Variants in SAFB2 observed in about 807,000 individuals in gnomAD.
The protein encoded by SAFB2 is scaffold attachment factor B2.
SAFB2 carries 32 observed loss-of-function variants against 100.6 expected under a neutral mutation model. That is an observed-to-expected ratio of 0.32 (90% CI 0.24 to 0.43). The LOEUF (loss-of-function observed/expected upper bound fraction) is 0.43. Among genes scored for constraint, SAFB2 ranks in the 20% least tolerant of loss-of-function variants. SAFB2 has a pLI of 1.00. For missense variants in SAFB2, 1,185 were observed against 1,163.4 expected, an observed-to-expected ratio of 1.02 and a Z score of -0.27; for synonymous variants, 500 against 439.4, an observed-to-expected ratio of 1.14 and a Z score of -1.72.
At chr19:5,595,939 G>T (rs555215132) in intron 13 of SAFB2, among the ~76,000 whole-genome samples, 25 of 152,320 alleles carry the variant, frequency 1.6e-4, no homozygotes, top group Non-Finnish European at 3.4e-4. Flanking sequence ...CATCTCAACT[G>T]CTGGCTCAGG....
Position 5,616,300 on chromosome 19 carries a change from A to G in SAFB2, c.375T>C (p.Asn125=), listed in dbSNP as rs1347555587. 1 of 1,614,190 alleles carries G rather than the reference A, an allele frequency of 6.2e-7. No homozygotes were observed. Among genetic ancestry groups the G allele is most frequent in the Non-Finnish European group, 8.5e-7 (1 of 1,180,036 alleles). ...GCACACTCATGTCCATCATGCCCAT[A>G]TTCTGCAGGTTCTCCAGACTTGCTT... The part of the protein sequence containing the change: ...DMEASLENLQ[N]MGMMDMSVLD... The change falls in exon 4 of 21, where the codon AAT becomes AAC. Residue 125 remains asparagine, a synonymous_variant. Coordinates refer to ENST00000252542, the MANE Select transcript of SAFB2 (RefSeq NM_014649.3).
chr19:5,598,918 T>G, intron 12 of SAFB2, 34 bp from the exon 13 acceptor site: 1 of 1,603,036 alleles, frequency 6.2e-7, no homozygotes. Flanking sequence ...TATCAAAACC[T>G]GTGGACGCCC....
intron 4 of SAFB2, chr19:5,613,825 C>A: frequency 1.3e-6 from 1 of 750,692 alleles, no homozygotes; most frequent in Non-Finnish European, 1.6e-6. Context: ...CCACATACCC[C>A]TCCAATCACA....
chr19:5,599,381 C>T (rs1244213225), intron 12 of SAFB2, among the ~76,000 whole-genome samples: 3 of 152,210 alleles, frequency 2.0e-5, no homozygotes, highest in Admixed American at 6.5e-5. Flanking sequence ...GACGACAGAA[C>T]CACCAGGCAT....
chr19:5,591,613 C>A, intron 17 of SAFB2, 135 bp downstream of exon 17: 2 of 751,538 alleles, frequency 2.7e-6, no homozygotes, highest in Non-Finnish European at 2.2e-6. Flanking sequence ...CCAGAACCCA[C>A]ACTTGCATAC....
chr19:5,601,741 A>AATAAATAC (rs1445881975), intron 11 of SAFB2, among the ~76,000 whole-genome samples: 3 of 151,696 alleles, frequency 2.0e-5, no homozygotes, highest in African/African-American at 7.3e-5. Context: ...TAAATAAATA[A>AATAAATAC]ATAAGAAGGA....
At chr19:5,607,037 G>A (rs977055363) in intron 9 of SAFB2, among the ~76,000 whole-genome samples, 22 of 152,270 alleles carry the variant, frequency 1.4e-4, no homozygotes, top group African/African-American at 5.1e-4. Flanking sequence ...CGAGGTGGGA[G>A]GATCACGAGG....
At chr19:5,611,878 G>A (rs2052915051) in intron 6 of SAFB2, 2 of 648,734 alleles carry the variant, frequency 3.1e-6, no homozygotes, top group East Asian at 3.0e-5. Flanking sequence ...CTACAACCAC[G>A]CGGCTGGTTC....
At chr19:5,606,530 G>C (rs892321790) in intron 9 of SAFB2, among the ~76,000 whole-genome samples, 5 of 152,178 alleles carry the variant, frequency 3.3e-5, no homozygotes, top group Non-Finnish European at 7.3e-5. Context: ...AGGAGGCTGA[G>C]GTGAGAGGAT....
Position 5,600,137 on chromosome 19 carries a change from G to A in SAFB2, c.1683C>T (p.Thr561=). 6.2e-7 allele frequency: 1 copy of A among 1,611,954 alleles called. No homozygotes were observed. Among genetic ancestry groups the A allele is most frequent in the Non-Finnish European group, 8.5e-7 (1 of 1,179,436 alleles). The part of the protein sequence containing the change: ...KPGPTNRSRV[T]KSGSRGMERT... ...TTAAAAGGCTCTCCTCACCTGATTTGGTGACTCTAGACCGATTTGTAGGTC... is the reference window on the plus strand; with the variant it reads ...TTAAAAGGCTCTCCTCACCTGATTTAGTGACTCTAGACCGATTTGTAGGTC... The change falls in exon 12 of 21, where the codon ACC becomes ACT. Residue 561 remains threonine, a synonymous_variant. Coordinates refer to ENST00000252542, the MANE Select transcript of SAFB2 (RefSeq NM_014649.3).
At chr19:5,604,191 A>C (rs2052723363) in intron 11 of SAFB2, among the ~76,000 whole-genome samples, 1 of 152,330 alleles carries the variant, frequency 6.6e-6, no homozygotes, top group African/African-American at 2.4e-5. Context: ...CGGGCAAATC[A>C]TGTGAACTCA....
At chr19:5,607,703 G>A (rs780611067) in intron 9 of SAFB2, among the ~76,000 whole-genome samples, 2 of 152,198 alleles carry the variant, frequency 1.3e-5, no homozygotes, top group African/African-American at 2.4e-5. Context: ...ACATTTCCCC[G>A]GGACACAGGA....
At chr19:5,610,714 A>C (rs1238611758) in intron 7 of SAFB2, 26 bp from the exon 8 acceptor site, 41 of 1,463,100 alleles carry the variant, frequency 2.8e-5, no homozygotes, top group Non-Finnish European at 3.7e-5. Context: ...AATGTTACTC[A>C]TACAGGAAAA....
At chr19:5,597,013 C>G (rs2052547938) in intron 13 of SAFB2, among the ~76,000 whole-genome samples, 1 of 152,134 alleles carries the variant, frequency 6.6e-6, no homozygotes, top group South Asian at 2.1e-4. Flanking sequence ...ACAGGAGAGA[C>G]ACACATCACC....
intron 15 of SAFB2, among the ~76,000 whole-genome samples, chr19:5,593,428 T>A (rs1208495167): frequency 1.3e-5 from 2 of 152,122 alleles, no homozygotes; most frequent in Non-Finnish European, 2.9e-5. Context: ...CCGCCTGGGG[T>A]AGCTAGAGAC....
In SAFB2 at chr19:5,594,154, C is replaced by T. The variant is rs781413166; in HGVS notation, c.1944G>A (p.Glu648=). 2.5e-6 allele frequency: 4 copies of T among 1,598,450 alleles called. No individual in the cohort carries two copies. The highest frequency in any genetic ancestry group is 2.2e-5 in the South Asian group (2 of 90,468). Residue 648 remains glutamate (E), a synonymous_variant, in exon 15 of 21, where the codon GAG becomes GAA. Transcript: ENST00000252542. ...GCTCATGGAAGGCCTCGAGGCGTTG[C>T]TCCCGCTCCCGCTGCTCGCGCTCCC... ...RRREREQRER[E]QRLEAFHERK...
intron 16 of SAFB2, 138 bp from the exon 17 acceptor site, chr19:5,591,931 A>G (rs2052416381): frequency 1.2e-6 from 1 of 800,840 alleles, no homozygotes; most frequent in Non-Finnish European, 2.0e-6. Context: ...AAAAGGAAAA[A>G]GCTAGCTCAA....
chr19:5,615,880 C>T (rs920291135), intron 4 of SAFB2, among the ~76,000 whole-genome samples: 1 of 152,342 alleles, frequency 6.6e-6, no homozygotes, highest in Admixed American at 6.5e-5. Flanking sequence ...TCTTTTATGT[C>T]AGAGCTTTCT....
At chr19:5,591,713 G>A (rs1252328367) in intron 17 of SAFB2, 35 bp downstream of exon 17, 5 of 1,604,912 alleles carry the variant, frequency 3.1e-6, no homozygotes, top group African/African-American at 1.3e-5. Context: ...CAGCAGTACA[G>A]TGGCCCCAGG....
Sources: gnomAD v4.1 joint callset for allele counts (sites outside exome capture counted in the v4.1 genomes callset) on GRCh38, gnomAD v4.1.1 for gene constraint, MANE v1.5 for transcripts, NCBI Gene and HGNC (gene_info 2026-07-23, HGNC 2026-07-21) for gene names.